Variants in PPARGC1A observed in about 807,000 individuals in gnomAD.
PPARGC1A encodes the protein peroxisome proliferator-activated receptor gamma coactivator 1-alpha.
In PPARGC1A, 25 loss-of-function variants were observed where a neutral mutation model predicts 88.7. The observed-to-expected ratio is 0.28, with a 90% CI of 0.21 to 0.39. The LOEUF is 0.39. Ranked by LOEUF, PPARGC1A falls within the 10% of genes least tolerant of loss-of-function variation. The pLI is 1.00. For missense variants in PPARGC1A, 880 were observed against 968.7 expected (o/e 0.91, Z 1.22); for synonymous variants, 363 against 355.6 (o/e 1.02, Z -0.24).
At chr4:23,910,331 A>G in the PPARGC1A span, among the ~76,000 whole-genome samples, 2 of 61,724 alleles carry the variant, frequency 3.2e-5, no homozygotes. Flanking sequence ...TATATTATAT[A>G]TTATATATAT....
the PPARGC1A span, among the ~76,000 whole-genome samples, chr4:24,339,405 A>G: frequency 6.6e-6 from 1 of 151,404 alleles, no homozygotes; most frequent in Admixed American, 6.6e-5. Flanking sequence ...AGAGACCTAC[A>G]TGCCTAGGGC....
At chr4:24,288,920 C>T in the PPARGC1A span, among the ~76,000 whole-genome samples, 4 of 152,048 alleles carry the variant, frequency 2.6e-5, no homozygotes, top group African/African-American at 9.7e-5. Flanking sequence ...TGGGATCTTA[C>T]TGCTCAAAGA....
intron 2 of PPARGC1A, among the ~76,000 whole-genome samples, chr4:23,844,065 C>A (rs1275909104): frequency 6.6e-6 from 1 of 150,850 alleles, no homozygotes; most frequent in Non-Finnish European, 1.5e-5. Context: ...CTACTATGTA[C>A]TATAATTTGT....
At chr4:24,060,886 T>C in the PPARGC1A span, among the ~76,000 whole-genome samples, 2 of 152,156 alleles carry the variant, frequency 1.3e-5, no homozygotes, top group African/African-American at 2.4e-5. Context: ...AACCATTTAA[T>C]CTTAACAAAA....
intron 2 of PPARGC1A, among the ~76,000 whole-genome samples, chr4:23,853,488 C>G (rs1470178125): frequency 6.6e-6 from 1 of 152,050 alleles, no homozygotes; most frequent in African/African-American, 2.4e-5. Context: ...TAGATGTGTA[C>G]AAGAGGAATC....
chr4:23,899,005 T>G (rs1187545489), intron 1 of PPARGC1A, among the ~76,000 whole-genome samples: 1 of 151,916 alleles, frequency 6.6e-6, no homozygotes, highest in Non-Finnish European at 1.5e-5. Context: ...CCGGCTAATT[T>G]TTTTTTTTGT....
the PPARGC1A span, among the ~76,000 whole-genome samples, chr4:24,170,402 A>G: frequency 6.6e-6 from 1 of 152,164 alleles, no homozygotes; most frequent in African/African-American, 2.4e-5. Flanking sequence ...AAACTAAATT[A>G]TTTTCCCTCC....
the PPARGC1A span, among the ~76,000 whole-genome samples, chr4:24,359,388 C>A: frequency 6.6e-6 from 1 of 152,126 alleles, no homozygotes; most frequent in Non-Finnish European, 1.5e-5. Flanking sequence ...ACCATTTATA[C>A]CTTTATCCCG....
chr4:24,014,116 A>G, the PPARGC1A span, among the ~76,000 whole-genome samples: 1 of 152,198 alleles, frequency 6.6e-6, no homozygotes, highest in Non-Finnish European at 1.5e-5. Flanking sequence ...TCAAACCGAG[A>G]GCAACCTAAA....
At chr4:23,914,190 A>T in the PPARGC1A span, among the ~76,000 whole-genome samples, 6 of 152,156 alleles carry the variant, frequency 3.9e-5, no homozygotes, top group Admixed American at 3.3e-4. Flanking sequence ...GTTAAATTTT[A>T]TTGAGTGCTT....
chr4:23,964,959 G>A, the PPARGC1A span, among the ~76,000 whole-genome samples: 22,235 of 152,054 alleles, frequency 0.15, 2,261 homozygotes, highest in Admixed American at 0.29. Flanking sequence ...CAAATACAAA[G>A]AATTTCAAAG....
chr4:24,328,519 T>C, the PPARGC1A span, among the ~76,000 whole-genome samples: 10 of 152,130 alleles, frequency 6.6e-5, no homozygotes, highest in Non-Finnish European at 1.0e-4. Flanking sequence ...TTTTTCCAGC[T>C]CAAACTGCTC....
the PPARGC1A span, among the ~76,000 whole-genome samples, chr4:24,067,487 G>T: frequency 2.6e-5 from 4 of 152,148 alleles, no homozygotes; most frequent in African/African-American, 4.8e-5. Context: ...ATCATTCCGC[G>T]TATGCTCAAA....
At chr4:24,109,191 C>T in the PPARGC1A span, among the ~76,000 whole-genome samples, 1 of 151,736 alleles carries the variant, frequency 6.6e-6, no homozygotes, top group East Asian at 1.9e-4. Flanking sequence ...AAATATGGCC[C>T]CCAGCAGGCC....
chr4:24,326,705 C>T, the PPARGC1A span, among the ~76,000 whole-genome samples: 1 of 152,184 alleles, frequency 6.6e-6, no homozygotes, highest in African/African-American at 2.4e-5. Flanking sequence ...ATCTCCCAAA[C>T]CTCAATCCCT....
At chr4:24,015,051 G>A in the PPARGC1A span, among the ~76,000 whole-genome samples, 1 of 152,082 alleles carries the variant, frequency 6.6e-6, no homozygotes, top group African/African-American at 2.4e-5. Flanking sequence ...AGGAAACAAG[G>A]AAAAATGGGT....
At chr4:24,346,812 G>A in the PPARGC1A span, among the ~76,000 whole-genome samples, 15 of 151,844 alleles carry the variant, frequency 9.9e-5, no homozygotes, top group Admixed American at 9.8e-4. Flanking sequence ...CTTCTGCTGG[G>A]TTTGGGTTTG....
the PPARGC1A span, among the ~76,000 whole-genome samples, chr4:24,324,492 C>T: frequency 2.0e-5 from 3 of 152,156 alleles, no homozygotes; most frequent in East Asian, 1.9e-4. Context: ...GATAAGCTTC[C>T]ACCTTCCATT....
the PPARGC1A span, among the ~76,000 whole-genome samples, chr4:23,990,269 T>A: frequency 6.6e-6 from 1 of 150,928 alleles, no homozygotes; most frequent in Non-Finnish European, 1.5e-5. Flanking sequence ...TGTTGATAAT[T>A]TACAAGGTAC....
Sources: allele counts gnomAD v4.1 joint callset (sites outside exome capture counted in the v4.1 genomes callset), GRCh38; gene constraint gnomAD v4.1.1; transcripts MANE v1.5; gene names NCBI Gene and HGNC (gene_info 2026-07-23, HGNC 2026-07-21).